ADCY5: variants seen among roughly 807,000 people sequenced by gnomAD.
ADCY5 encodes adenylate cyclase type 5.
ADCY5 carries 30 observed loss-of-function variants against 119.7 expected under a neutral mutation model. The observed-to-expected ratio is 0.25, with a 90% CI of 0.19 to 0.34. ADCY5 has a LOEUF of 0.34. ADCY5 is among the 10% of genes least tolerant of loss of function. ADCY5 has a pLI of 1.00. For missense variants in ADCY5, 1,324 were observed against 1,775.2 expected, an observed-to-expected ratio of 0.75 and a Z score of 4.57; for synonymous variants, 753 against 762.2, an observed-to-expected ratio of 0.99 and a Z score of 0.20.
rs1157353705 is a variant in ADCY5 at position 123,317,734 on chromosome 3, C to G, written c.2354+286G>C. The stretch of plus-strand genomic sequence containing the variant: ...TGGGCAACAGAGCGAGACGCTGTGT[C>G]CCCACCACGCCGACCCAAAAAAAAA... On this transcript the variant is annotated intron_variant, in intron 11 of 20. Transcript: ENST00000462833. Among the ~76,000 whole-genome samples, 3 of 144,964 alleles carry G rather than the reference C, an allele frequency of 2.1e-5. No individual in the cohort carries two copies. The Admixed American group carries it at 2.1e-4, about 10-fold the overall frequency.
chr3:123,321,225 G>A (rs1941203639), intron 8 of ADCY5, among the ~76,000 whole-genome samples: 1 of 152,098 alleles, frequency 6.6e-6, no homozygotes, highest in Non-Finnish European at 1.5e-5. Flanking sequence ...ATCACACCGA[G>A]CACACATAAA....
At chr3:123,367,622 C>A (rs1282112428) in intron 1 of ADCY5, among the ~76,000 whole-genome samples, 1 of 152,114 alleles carries the variant, frequency 6.6e-6, no homozygotes, top group Non-Finnish European at 1.5e-5. Flanking sequence ...GAGGGTGGTG[C>A]CAGCCGTGTA....
At chr3:123,311,753 T>C (rs966179468) in intron 12 of ADCY5, among the ~76,000 whole-genome samples, 1 of 152,100 alleles carries the variant, frequency 6.6e-6, no homozygotes, top group African/African-American at 2.4e-5. Context: ...ATCTGTAAGA[T>C]GGAAAAAGCA....
chr3:123,348,728 GCT>G (rs1284339019), intron 2 of ADCY5, among the ~76,000 whole-genome samples: 3 of 152,150 alleles, frequency 2.0e-5, no homozygotes, highest in East Asian at 1.9e-4. Context: ...TCTGGACTAT[GCT>G]CTCTTTCTGA....
intron 1 of ADCY5, among the ~76,000 whole-genome samples, chr3:123,443,313 A>G (rs1253872175): frequency 6.6e-6 from 1 of 152,188 alleles, no homozygotes; most frequent in Non-Finnish European, 1.5e-5. Context: ...ATCAAGGCCC[A>G]GGACCAGAAA....
At chr3:123,404,768 CACAAGGCCAGGGCTCACT>C (rs1176797001) in intron 1 of ADCY5, among the ~76,000 whole-genome samples, 1 of 152,216 alleles carries the variant, frequency 6.6e-6, no homozygotes, top group Admixed American at 6.5e-5. Flanking sequence ...TGGGAAAAAT[CACAAGGCCAGGGCTCACT>C]ACCTTGGCCA....
intron 1 of ADCY5, among the ~76,000 whole-genome samples, chr3:123,386,177 G>C (rs1221899331): frequency 6.6e-6 from 1 of 152,222 alleles, no homozygotes; most frequent in African/African-American, 2.4e-5. Context: ...TAGGTGGACA[G>C]GAGGGCACAG....
chr3:123,374,960 C>T (rs1304045217), intron 1 of ADCY5, among the ~76,000 whole-genome samples: 2 of 152,212 alleles, frequency 1.3e-5, no homozygotes, highest in South Asian at 2.1e-4. Flanking sequence ...CATCAATGGG[C>T]ACTCATATCT....
At chr3:123,415,063 C>T (rs900007247) in intron 1 of ADCY5, among the ~76,000 whole-genome samples, 2 of 152,122 alleles carry the variant, frequency 1.3e-5, no homozygotes, top group African/African-American at 4.8e-5. Context: ...ACAGCAGGGC[C>T]CACAGCCACC....
At chr3:123,402,890 C>T (rs1944807802) in intron 1 of ADCY5, among the ~76,000 whole-genome samples, 1 of 150,510 alleles carries the variant, frequency 6.6e-6, no homozygotes. Flanking sequence ...GTCGTGTCTA[C>T]AATTTCTTCT....
intron 15 of ADCY5, 133 bp from the exon 16 acceptor site, chr3:123,297,515 C>T: frequency 1.0e-6 from 1 of 998,394 alleles, no homozygotes; most frequent in Non-Finnish European, 1.6e-6. Context: ...CCCCATTCAC[C>T]CTCCATATCC....
intron 1 of ADCY5, among the ~76,000 whole-genome samples, chr3:123,368,350 C>A (rs1943522246): frequency 6.6e-6 from 1 of 152,196 alleles, no homozygotes; most frequent in African/African-American, 2.4e-5. Flanking sequence ...AATCCCAGCA[C>A]TTTGGGAGGC....
At chr3:123,410,256 C>G (rs1945010928) in intron 1 of ADCY5, among the ~76,000 whole-genome samples, 1 of 152,210 alleles carries the variant, frequency 6.6e-6, no homozygotes, top group Admixed American at 6.5e-5. Context: ...TAGAACTCCT[C>G]AGGAAACAGC....
rs1200345935 is a variant in ADCY5 at position 123,286,865 on chromosome 3, C to T, written c.3533-56G>A. On this transcript the variant is annotated intron_variant, in intron 19 of 20. Coordinates refer to ENST00000462833, the MANE Select transcript of ADCY5 (RefSeq NM_183357.3). This position sits in a 1 kb window ranked among gnomAD's most constrained non-coding sequence, Gnocchi z 4.2. ...CACATCTCTGGCTTGACCTTGCCAC[C>T]ATCTGTCTCCCCACATGCTGCAGGT... is the stretch of plus-strand genomic sequence containing the variant. 3 of 1,528,154 alleles carry T rather than the reference C, an allele frequency of 2.0e-6. No homozygotes were observed. Among genetic ancestry groups the T allele is most frequent in the Admixed American group, 2.1e-5 (1 of 48,152 alleles). The allele number at this position is 1,528,154 out of a possible 1,614,324, so 94.7% of individuals were successfully genotyped here.
At chr3:123,346,423 C>G (rs1161455053) in intron 3 of ADCY5, among the ~76,000 whole-genome samples, 2 of 152,168 alleles carry the variant, frequency 1.3e-5, no homozygotes, top group Non-Finnish European at 2.9e-5. Flanking sequence ...AAACTGGGGG[C>G]CAATGTGTTA....
rs56185421 is a variant in ADCY5, at chr3:123,345,769, G to GACACACACACACAC, written c.1406+1999_1406+2012dup. Among the ~76,000 whole-genome samples the GACACACACACACAC allele has an allele frequency of 3.7e-3, 422 of 113,824 alleles. 4 individuals carry two copies. Among genetic ancestry groups the GACACACACACACAC allele is most frequent in the African/African-American group, 0.015 (373 of 25,376 alleles). 74.7% of individuals were successfully genotyped at this position (113,824 alleles called of 152,430 possible). ...AGACAGACAGACAGACAGACAGACA[G>GACACACACACACAC]ACACACACACACACACACACACACA... is the stretch of plus-strand genomic sequence containing the variant. On this transcript the variant is annotated intron_variant, in intron 3 of 20. Transcript: ENST00000462833.
intron 3 of ADCY5, among the ~76,000 whole-genome samples, chr3:123,334,725 T>A (rs1000510737): frequency 3.3e-5 from 5 of 152,090 alleles, no homozygotes; most frequent in Non-Finnish European, 7.3e-5. Flanking sequence ...GTGACAGAGC[T>A]AGACTGTCTC....
chr3:123,416,850 A>T (rs1945195121), intron 1 of ADCY5, among the ~76,000 whole-genome samples: 1 of 152,198 alleles, frequency 6.6e-6, no homozygotes, highest in Non-Finnish European at 1.5e-5. Flanking sequence ...AATTAGGCTT[A>T]AATGACGTCA....
chr3:123,352,631 C>A lies in ADCY5; in HGVS notation c.1135-50G>T, dbSNP rs1208362831. ...CTAGCTCAGATCCTGACCTTCCTGG[C>A]CCCAAAGCATGAAGCCCTCAGCCCC... is the stretch of plus-strand genomic sequence containing the variant. On this transcript the variant is annotated intron_variant, in intron 1 of 20. Coordinates refer to ENST00000462833, the MANE Select transcript of ADCY5 (RefSeq NM_183357.3). This position sits in a 1 kb window ranked among gnomAD's most constrained non-coding sequence, Gnocchi z 4.8. The A allele has an allele frequency of 1.9e-6, 3 of 1,556,028 alleles. No homozygotes were observed. Among genetic ancestry groups the A allele is most frequent in the Non-Finnish European group, 2.6e-6 (3 of 1,144,572 alleles).
Sources: allele counts gnomAD v4.1 joint callset (sites outside exome capture counted in the v4.1 genomes callset), GRCh38; gene constraint gnomAD v4.1.1; non-coding constraint Gnocchi (gnomAD v3.1); transcripts MANE v1.5; gene names NCBI Gene and HGNC (gene_info 2026-07-23, HGNC 2026-07-21).